Variants in RPTOR observed in about 807,000 individuals in gnomAD.
The protein encoded by RPTOR is regulatory-associated protein of mTOR.
Under a neutral mutation model 169.9 loss-of-function variants are expected in RPTOR, and 21 were observed. The observed-to-expected ratio is 0.12, with a 90% CI of 0.09 to 0.18. The LOEUF (loss-of-function observed/expected upper bound fraction) is 0.18. Among genes scored for constraint, RPTOR ranks in the 10% least tolerant of loss-of-function variants. The pLI is 1.00. For synonymous variants in RPTOR, 732 were observed against 753.2 expected, an observed-to-expected ratio of 0.97 and a Z score of 0.46; for missense variants, 1,133 against 1,855.9, an observed-to-expected ratio of 0.61 and a Z score of 7.16.
chr17:80,594,092 CT>C (rs2065126879), intron 1 of RPTOR, among the ~76,000 whole-genome samples: 1 of 151,264 alleles, frequency 6.6e-6, no homozygotes, highest in Non-Finnish European at 1.5e-5. Context: ...TCTCTTTTCT[CT>C]TTTCTTTTCT....
intron 1 of RPTOR, among the ~76,000 whole-genome samples, chr17:80,596,953 G>T (rs1468390954): frequency 6.6e-6 from 1 of 152,198 alleles, no homozygotes; most frequent in Non-Finnish European, 1.5e-5. Flanking sequence ...TTGGGAGGCA[G>T]TGCTGGACAG....
At chr17:80,827,289 C>A (rs1016106551) in intron 9 of RPTOR, among the ~76,000 whole-genome samples, 19 of 152,248 alleles carry the variant, frequency 1.2e-4, no homozygotes, top group African/African-American at 4.6e-4. Flanking sequence ...GCCATCTAAT[C>A]CTGTGTGACA....
rs1001576124 is a variant in RPTOR, at chr17:80,936,022, G to A, written c.2920-4474G>A. 1.5e-4 allele frequency among the ~76,000 whole-genome samples: 23 copies of A among 152,102 alleles called. No individual in the cohort carries two copies. The highest frequency in any genetic ancestry group is 5.3e-4 in the African/African-American group (22 of 41,418). On this transcript the variant is annotated intron_variant, in intron 24 of 33. Coordinates refer to ENST00000306801, the MANE Select transcript of RPTOR (RefSeq NM_020761.3). This position sits in a 1 kb window ranked among gnomAD's most constrained non-coding sequence, Gnocchi z 4.1. ...AATTCCATGATAAAGGAAATAAGCA[G>A]CCCAATTAAAAAACAGTGGCGAAAG...
At chr17:80,843,412 C>G (rs562796819) in intron 10 of RPTOR, among the ~76,000 whole-genome samples, 1 of 124,204 alleles carries the variant, frequency 8.1e-6, no homozygotes, top group African/African-American at 3.3e-5. Context: ...CAGAGTGAGA[C>G]TCTGTCTCAA....
At chr17:80,784,972 C>T (rs1374874518) in intron 6 of RPTOR, among the ~76,000 whole-genome samples, 1 of 152,122 alleles carries the variant, frequency 6.6e-6, no homozygotes, top group Non-Finnish European at 1.5e-5. Context: ...GTGATCCACC[C>T]GCCTTGGCCT....
At chr17:80,930,454 C>T (rs1324456591) in intron 24 of RPTOR, among the ~76,000 whole-genome samples, 2 of 138,222 alleles carry the variant, frequency 1.4e-5, no homozygotes, top group African/African-American at 2.7e-5. Flanking sequence ...ATCCTCAGCT[C>T]ATCCCCAGCT....
At chr17:80,650,518 G>A (rs905098778) in intron 3 of RPTOR, among the ~76,000 whole-genome samples, 5 of 152,194 alleles carry the variant, frequency 3.3e-5, no homozygotes, top group African/African-American at 1.2e-4. Flanking sequence ...GGTGGGGTGG[G>A]GAGAGCTTAA....
chr17:80,737,318 A>G (rs9910478), intron 5 of RPTOR, among the ~76,000 whole-genome samples: 2,050 of 152,306 alleles, frequency 0.013, 50 homozygotes, highest in African/African-American at 0.047. Context: ...GGATGCCCCC[A>G]TGCCGAGGTC....
At chr17:80,619,983 T>C (rs2065342891) in intron 1 of RPTOR, among the ~76,000 whole-genome samples, 1 of 152,168 alleles carries the variant, frequency 6.6e-6, no homozygotes, top group Non-Finnish European at 1.5e-5. Flanking sequence ...TCCTTAGGCG[T>C]GTGCTCCAGC....
rs2066572578 is a variant in RPTOR at position 80,746,224 on chromosome 17, CGGGTG to C, written c.655-7785_655-7781del. Among the ~76,000 whole-genome samples the C allele has an allele frequency of 6.9e-6, 1 of 144,308 alleles. No individual in the cohort carries two copies. The highest frequency in any genetic ancestry group is 1.6e-5 in the Non-Finnish European group (1 of 63,944). The allele number at this position is 144,308 out of a possible 152,430, so 94.7% of individuals were successfully genotyped here. The stretch of plus-strand genomic sequence containing the variant: ...ACCGCCCCCACAGCGGTGCTTTCTG[CGGGTG>C]ATCCCCACCGCCCCCACAGCGGTGC... On this transcript the variant is annotated intron_variant, in intron 5 of 33. Coordinates refer to ENST00000306801, the MANE Select transcript of RPTOR (RefSeq NM_020761.3). The surrounding 1 kb of genome is among the most constrained non-coding windows in gnomAD (Gnocchi z 4.5).
At chr17:80,833,306 A>G (rs2067527452) in intron 9 of RPTOR, among the ~76,000 whole-genome samples, 3 of 152,182 alleles carry the variant, frequency 2.0e-5, no homozygotes. Context: ...CTCTGCCCCC[A>G]GCTGCTGGGG....
At chr17:80,903,717 C>T (rs900662118) in intron 20 of RPTOR, among the ~76,000 whole-genome samples, 11 of 152,290 alleles carry the variant, frequency 7.2e-5, no homozygotes, top group East Asian at 1.9e-4. Context: ...ACAAGCCCCG[C>T]GTGCAGCTCC....
At chr17:80,739,133 C>T (rs796167638) in intron 5 of RPTOR, among the ~76,000 whole-genome samples, 1 of 39,406 alleles carries the variant, frequency 2.5e-5, no homozygotes, top group East Asian at 5.4e-4. Context: ...CTTGCTGTCG[C>T]GGGAACACCT....
At chr17:80,910,842 CTTT>C (rs11351495) in intron 21 of RPTOR, among the ~76,000 whole-genome samples, 1 of 137,776 alleles carries the variant, frequency 7.3e-6, no homozygotes, top group Non-Finnish European at 1.6e-5. Flanking sequence ...TTCTTCAGTT[CTTT>C]TTTTTTTTTT....
At position 80,609,727 on chromosome 17, in the gene RPTOR, A is replaced by AGAGC. The variant is rs2065256440; in HGVS notation, c.163-15960_163-15957dup. 6.6e-6 allele frequency among the ~76,000 whole-genome samples: 1 copy of AGAGC among 151,838 alleles called. No individual in the cohort carries two copies. Among genetic ancestry groups the AGAGC allele is most frequent in the South Asian group, 2.1e-4 (1 of 4,806 alleles). ...ACTGCTGCACTCCAGCCTGGGCGAC[A>AGAGC]GAGCGAGATTCTGTCTCAAAAAAAA... On this transcript the variant is annotated intron_variant, in intron 1 of 33. Transcript: ENST00000306801. The surrounding 1 kb of genome is among the most constrained non-coding windows in gnomAD (Gnocchi z 4.8).
At chr17:80,948,355 A>G (rs2069128381) in intron 27 of RPTOR, among the ~76,000 whole-genome samples, 1 of 152,198 alleles carries the variant, frequency 6.6e-6, no homozygotes, top group Non-Finnish European at 1.5e-5. Flanking sequence ...AGTAGCATCA[A>G]CCGATGTCGA....
At chr17:80,774,195 C>T in intron 6 of RPTOR, 3 of 985,408 alleles carry the variant, frequency 3.0e-6, no homozygotes, top group Non-Finnish European at 3.6e-6. Context: ...CAAGCTGGTC[C>T]CGTCTCCACC....
chr17:80,916,160 C>T (rs560896622), intron 21 of RPTOR, among the ~76,000 whole-genome samples: 63 of 152,314 alleles, frequency 4.1e-4, no homozygotes, highest in African/African-American at 1.5e-3. Context: ...TTGCTTGCCA[C>T]TTTGCAGATG....
In RPTOR at chr17:80,860,632, C is replaced by T. The variant is rs2067907499; in HGVS notation, c.1509+2732C>T. Among the ~76,000 whole-genome samples the T allele has an allele frequency of 6.6e-6, 1 of 152,118 alleles. No individual in the cohort carries two copies. On this transcript the variant is annotated intron_variant, in intron 13 of 33. Transcript: ENST00000306801. The surrounding 1 kb of genome is among the most constrained non-coding windows in gnomAD (Gnocchi z 5.8). Reference sequence around the variant, plus strand: ...ACGGTGAGGGCTTCCACCTTGGAGGCAGGCGTCAGTCGTACCCAGCACCAG... The same window carrying T: ...ACGGTGAGGGCTTCCACCTTGGAGGTAGGCGTCAGTCGTACCCAGCACCAG...
Sources: allele counts gnomAD v4.1 joint callset (sites outside exome capture counted in the v4.1 genomes callset), GRCh38; gene constraint gnomAD v4.1.1; non-coding constraint Gnocchi (gnomAD v3.1); transcripts MANE v1.5; gene names NCBI Gene and HGNC (gene_info 2026-07-23, HGNC 2026-07-21).